SEMA3D: variants seen among roughly 807,000 people sequenced by gnomAD.
SEMA3D encodes semaphorin-3D.
A neutral mutation model predicts 100.1 loss-of-function variants in SEMA3D; 84 were observed. That is an observed-to-expected ratio of 0.84 (90% CI 0.70 to 1.01). The LOEUF (loss-of-function observed/expected upper bound fraction) is 1.01, where lower values mean the gene tolerates loss of function less well. SEMA3D is among the 50% of genes least tolerant of loss of function. The pLI, the probability that SEMA3D is intolerant of heterozygous loss-of-function variation, is 0.00. For missense variants in SEMA3D, 875 were observed against 934.1 expected, an observed-to-expected ratio of 0.94 and a Z score of 0.82; for synonymous variants, 312 against 320.7, an observed-to-expected ratio of 0.97 and a Z score of 0.29.
the SEMA3D span, among the ~76,000 whole-genome samples, chr7:85,219,902 A>G: frequency 6.6e-6 from 1 of 151,970 alleles, no homozygotes; most frequent in Non-Finnish European, 1.5e-5. Context: ...TATAGAACCT[A>G]TTTAAGTCAC....
intron 12 of SEMA3D, chr7:85,028,176 G>T: frequency 1.6e-6 from 1 of 642,922 alleles, no homozygotes; most frequent in Admixed American, 2.1e-5. Context: ...GCTACCCATA[G>T]GAGGTGTCTT....
chr7:85,150,427 C>G (rs1429645393), intron 2 of SEMA3D, among the ~76,000 whole-genome samples: 1 of 140,846 alleles, frequency 7.1e-6, no homozygotes, highest in African/African-American at 2.6e-5. Flanking sequence ...CACACACACA[C>G]ATATATTTAC....
intron 11 of SEMA3D, among the ~76,000 whole-genome samples, chr7:85,039,802 T>C (rs1790804447): frequency 6.6e-6 from 1 of 152,022 alleles, no homozygotes; most frequent in South Asian, 2.1e-4. Flanking sequence ...AACTGGGAAA[T>C]GATAATAGGA....
At chr7:85,004,648 T>C (rs1789744989) in intron 18 of SEMA3D, among the ~76,000 whole-genome samples, 1 of 152,026 alleles carries the variant, frequency 6.6e-6, no homozygotes, top group African/African-American at 2.4e-5. Flanking sequence ...GAGATCATGG[T>C]CCCTCCCGCA....
At chr7:85,189,698 T>C (rs549738691), upstream of SEMA3D, among the ~76,000 whole-genome samples, 3 of 152,298 alleles carry the variant, frequency 2.0e-5, no homozygotes, top group Non-Finnish European at 4.4e-5. Context: ...CAAATAACTT[T>C]CATGTTCTTG....
chr7:85,069,699 G>A (rs945195024), intron 6 of SEMA3D, among the ~76,000 whole-genome samples: 3 of 152,162 alleles, frequency 2.0e-5, no homozygotes, highest in African/African-American at 7.2e-5. Context: ...ATACAAGTAG[G>A]TAGGAATGCT....
the SEMA3D span, among the ~76,000 whole-genome samples, chr7:85,233,065 C>T: frequency 2.0e-5 from 3 of 152,060 alleles, no homozygotes; most frequent in East Asian, 1.9e-4. Flanking sequence ...TTAAATTTAA[C>T]GGTAGACCTC....
At chr7:85,113,815 G>A (rs1463846979) in intron 3 of SEMA3D, among the ~76,000 whole-genome samples, 4 of 151,648 alleles carry the variant, frequency 2.6e-5, no homozygotes, top group Non-Finnish European at 5.9e-5. Flanking sequence ...AAAGAAATCC[G>A]TTAATATTAT....
chr7:85,237,539 T>C, the SEMA3D span, among the ~76,000 whole-genome samples: 1 of 152,240 alleles, frequency 6.6e-6, no homozygotes, highest in African/African-American at 2.4e-5. Context: ...ATGCCGTATG[T>C]AGACTTTTAA....
At chr7:85,220,482 A>G in the SEMA3D span, among the ~76,000 whole-genome samples, 3 of 152,024 alleles carry the variant, frequency 2.0e-5, no homozygotes, top group African/African-American at 7.2e-5. Flanking sequence ...TGGGTCAGTC[A>G]TATGATTATC....
At chr7:85,003,379 AGATT>A (rs1265992853) in intron 18 of SEMA3D, among the ~76,000 whole-genome samples, 1 of 152,070 alleles carries the variant, frequency 6.6e-6, no homozygotes, top group East Asian at 1.9e-4. Context: ...AATAACTACT[AGATT>A]AATTTACTAT....
chr7:85,113,471 C>T (rs1040608316), intron 3 of SEMA3D, among the ~76,000 whole-genome samples: 3 of 151,710 alleles, frequency 2.0e-5, no homozygotes, highest in African/African-American at 7.3e-5. Flanking sequence ...TTAAGAAATA[C>T]TTTAAGAAAT....
At chr7:85,176,187 T>C (rs1245255563) in intron 1 of SEMA3D, among the ~76,000 whole-genome samples, 1 of 152,172 alleles carries the variant, frequency 6.6e-6, no homozygotes, top group Non-Finnish European at 1.5e-5. Flanking sequence ...TTCATCCCTC[T>C]ATTGGATTGA....
chr7:85,131,823 A>G (rs1043166001), intron 2 of SEMA3D, among the ~76,000 whole-genome samples: 5 of 151,864 alleles, frequency 3.3e-5, no homozygotes, highest in East Asian at 3.9e-4. Context: ...CTCCATTCCC[A>G]CACCTAGTAT....
At chr7:85,091,066 GAGAGAA>G (rs893430395) in intron 4 of SEMA3D, among the ~76,000 whole-genome samples, 1 of 146,636 alleles carries the variant, frequency 6.8e-6, no homozygotes, top group Non-Finnish European at 1.5e-5. Context: ...AGGAAGGAAG[GAGAGAA>G]AGAGAAAGAG....
At chr7:85,104,203 C>T (rs952814259) in intron 3 of SEMA3D, among the ~76,000 whole-genome samples, 1 of 151,984 alleles carries the variant, frequency 6.6e-6, no homozygotes, top group Non-Finnish European at 1.5e-5. Context: ...GCTGGAAAGA[C>T]ATTGATTACA....
intron 1 of SEMA3D, among the ~76,000 whole-genome samples, chr7:85,172,997 A>G (rs1791125600): frequency 6.6e-6 from 1 of 152,090 alleles, no homozygotes; most frequent in South Asian, 2.1e-4. Context: ...AGGCATAAGG[A>G]ACAAGGCACA....
intron 4 of SEMA3D, among the ~76,000 whole-genome samples, chr7:85,084,789 C>T (rs753573881): frequency 1.9e-4 from 29 of 152,084 alleles, no homozygotes; most frequent in Non-Finnish European, 4.0e-4. Flanking sequence ...AATGTCCCAC[C>T]GTGTGTTGTT....
chr7:85,226,383 A>T, the SEMA3D span, among the ~76,000 whole-genome samples: 1 of 152,176 alleles, frequency 6.6e-6, no homozygotes, highest in Non-Finnish European at 1.5e-5. Context: ...ACTTCAATCC[A>T]GAGATAATGC....
Sources: gnomAD v4.1 joint callset for allele counts (sites outside exome capture counted in the v4.1 genomes callset) on GRCh38, gnomAD v4.1.1 for gene constraint, MANE v1.5 for transcripts, NCBI Gene and HGNC (gene_info 2026-07-23, HGNC 2026-07-21) for gene names.